The following IPO7 variants were observed in gnomAD, a reference collection of about 807,000 sequenced individuals.
IPO7 encodes the protein importin-7.
IPO7 carries 13 observed loss-of-function variants against 136.4 expected under a neutral mutation model. The observed-to-expected ratio is 0.10, with a 90% CI of 0.06 to 0.15. The LOEUF is 0.15. Among genes scored for constraint, IPO7 ranks in the 10% least tolerant of loss-of-function variants. The probability of loss-of-function intolerance (pLI) is 1.00; values close to 1 mark genes in which losing one functional copy is unlikely to be tolerated. For missense variants in IPO7, 857 were observed against 1,240.6 expected, an observed-to-expected ratio of 0.69 and a Z score of 4.65; for synonymous variants, 403 against 404.4, an observed-to-expected ratio of 1.00 and a Z score of 0.04.
chr11:9,408,720 T>G (rs905834455), intron 3 of IPO7, 81 bp downstream of exon 3: 12 of 1,040,596 alleles, frequency 1.2e-5, no homozygotes, highest in East Asian at 5.7e-5. Context: ...TTTTTTTTTT[T>G]TTTTTTTTTT....
rs1274174713 is a variant in IPO7 at position 9,408,540 on chromosome 11, C to T, written c.221C>T (p.Ala74Val). The change falls in exon 3 of 25, where the codon GCA becomes GTA. Residue 74 changes from alanine to valine, a missense_variant. Physicochemically the swap from Ala to Val is moderately conservative, Grantham distance 64. Coordinates refer to ENST00000379719, the MANE Select transcript of IPO7 (RefSeq NM_006391.3). ...CAGTATTGGCCTGATCGAGAAACAG[C>T]ACCAGGGGATATATCCCCTTATACT... ...ITQYWPDRET[A>V]PGDISPYTIP... The T allele has an allele frequency of 6.2e-7, 1 of 1,602,546 alleles. No individual in the cohort carries two copies.
chr11:9,423,195 A>G (rs967749894), intron 9 of IPO7, 55 bp downstream of exon 9: 14 of 1,216,592 alleles, frequency 1.2e-5, no homozygotes, highest in South Asian at 9.9e-5. Context: ...AATGACATCA[A>G]TTGCCATAAA....
Position 9,440,443 on chromosome 11 carries a change from A to C in IPO7, c.2696-12A>C. On this transcript the variant is annotated splice_polypyrimidine_tract_variant and intron_variant, in intron 22 of 24. Transcript: ENST00000379719. ...TCATTGTTATAAAAGTACTTATATT[A>C]TGACTTGGCAGAGGAACTGGGGAGT... 1 of 1,603,262 alleles carries C rather than the reference A, an allele frequency of 6.2e-7. No homozygotes were observed. The highest frequency in any genetic ancestry group is 8.5e-7 in the Non-Finnish European group (1 of 1,170,256).
intron 2 of IPO7, among the ~76,000 whole-genome samples, chr11:9,406,366 C>T (rs1854887329): frequency 6.6e-6 from 1 of 151,732 alleles, no homozygotes; most frequent in Non-Finnish European, 1.5e-5. Context: ...CACATTTTCC[C>T]GTTTTTAGAT....
rs200667064 is a variant in IPO7 at position 9,429,018 on chromosome 11, G to C, written c.1426-13G>C. The C allele has an allele frequency of 9.4e-4, 1,515 of 1,611,464 alleles. 2 individuals are homozygous for C. The highest frequency in any genetic ancestry group is 1.2e-3 in the Non-Finnish European group (1,404 of 1,177,862). Reference sequence around the variant, plus strand: ...TAAGGTATCTACAGTAACTCACTGTGTTTTTACAAAAGGCTTGCTGGGTAC... The same window carrying C: ...TAAGGTATCTACAGTAACTCACTGTCTTTTTACAAAAGGCTTGCTGGGTAC... On this transcript the variant is annotated splice_polypyrimidine_tract_variant and intron_variant, in intron 13 of 24. Transcript: ENST00000379719.
At chr11:9,403,741 T>C (rs953873321) in intron 2 of IPO7, among the ~76,000 whole-genome samples, 1 of 152,264 alleles carries the variant, frequency 6.6e-6, no homozygotes, top group African/African-American at 2.4e-5. Flanking sequence ...AGTATTATAC[T>C]ATTTTTAGTT....
chr11:9,401,227 C>T (rs1283545470), intron 1 of IPO7, among the ~76,000 whole-genome samples: 1 of 151,266 alleles, frequency 6.6e-6, no homozygotes, highest in Non-Finnish European at 1.5e-5. Flanking sequence ...AAATATTGTT[C>T]ATGTGAACAT....
intron 20 of IPO7, 37 bp downstream of exon 20, chr11:9,436,403 G>C: frequency 7.3e-7 from 1 of 1,372,684 alleles, no homozygotes; most frequent in Non-Finnish European, 1.0e-6. Flanking sequence ...GTTCAGAGGG[G>C]TAATCTTTTC....
intron 1 of IPO7, among the ~76,000 whole-genome samples, chr11:9,392,797 A>G (rs1424599949): frequency 6.6e-6 from 1 of 151,898 alleles, no homozygotes; most frequent in Non-Finnish European, 1.5e-5. Flanking sequence ...AAAAATACAA[A>G]AATTAGCCGG....
chr11:9,414,583 A>T, intron 5 of IPO7, 172 bp downstream of exon 5: 2 of 321,268 alleles, frequency 6.2e-6, no homozygotes, highest in Non-Finnish European at 5.7e-6. Flanking sequence ...AAACAAGCAT[A>T]CTTCCTCCCC....
At chr11:9,428,853 C>G (rs780763705) in intron 13 of IPO7, 178 bp from the exon 14 acceptor site, 3 of 792,934 alleles carry the variant, frequency 3.8e-6, no homozygotes, top group Non-Finnish European at 6.9e-6. Flanking sequence ...GCTATCCACA[C>G]AAACATCATG....
In IPO7 at chr11:9,414,270, G is replaced by T. The variant is rs765343318; in HGVS notation, c.495G>T (p.Glu165Asp). ...LVKNYEYKKPEERSPLVAAMQ... is the reference protein window; with the variant it reads ...LVKNYEYKKPDERSPLVAAMQ... Reference sequence around the variant, plus strand: ...CTACTCAAAGGTATAAAAAACCAGAGGAGCGGAGTCCATTGGTAGCAGCAA... The same window carrying T: ...CTACTCAAAGGTATAAAAAACCAGATGAGCGGAGTCCATTGGTAGCAGCAA... Residue 165 changes from glutamate to aspartate, a missense_variant, in exon 5 of 25, where the codon GAG (glutamate) becomes GAT (aspartate). By Grantham distance (45) the Glu-to-Asp change is conservative. Around this residue, in one of 11 missense-constraint regions of IPO7, gnomAD observed 287 missense variants for 307.5 expected, o/e 0.93. Coordinates refer to ENST00000379719, the MANE Select transcript of IPO7 (RefSeq NM_006391.3). 1 of 1,609,658 alleles carries T rather than the reference G, an allele frequency of 6.2e-7. No individual in the cohort carries two copies.
At chr11:9,411,094 G>A (rs546582725) in intron 4 of IPO7, among the ~76,000 whole-genome samples, 8 of 152,334 alleles carry the variant, frequency 5.3e-5, no homozygotes, top group Admixed American at 3.9e-4. Context: ...TGGTAAGTGA[G>A]TGACTAAAAT....
intron 13 of IPO7, 55 bp downstream of exon 13, chr11:9,428,684 G>A (rs1855247751): frequency 2.1e-6 from 2 of 954,682 alleles, no homozygotes; most frequent in Non-Finnish European, 3.4e-6. Flanking sequence ...GAATGACTCT[G>A]TGGACTTTTA....
chr11:9,420,715 T>C lies in IPO7; in HGVS notation c.906+17T>C. On this transcript the variant is annotated intron_variant, in intron 8 of 24. Transcript: ENST00000379719. The stretch of plus-strand genomic sequence containing the variant: ...GTCCAGCAAGTAAGTCTGTTTTTAG[T>C]TTTTCTCAGTGGAAACATGGCATCT... 6.6e-7 allele frequency: 1 copy of C among 1,524,320 alleles called. No individual in the cohort carries two copies. Among genetic ancestry groups the C allele is most frequent in the Non-Finnish European group, 9.1e-7 (1 of 1,100,008 alleles). 94.4% of individuals were successfully genotyped at this position (1,524,320 alleles called of 1,614,324 possible). A position where few individuals can be genotyped will look rare whatever the true frequency, so the allele number is the denominator to read the frequency against.
At chr11:9,397,833 T>C (rs1323844988) in intron 1 of IPO7, among the ~76,000 whole-genome samples, 1 of 152,092 alleles carries the variant, frequency 6.6e-6, no homozygotes, top group Non-Finnish European at 1.5e-5. Context: ...TGCTAAGATA[T>C]TTTCTGTGTT....
intron 1 of IPO7, among the ~76,000 whole-genome samples, chr11:9,399,823 A>G (rs977192690): frequency 6.6e-6 from 1 of 152,174 alleles, no homozygotes; most frequent in Admixed American, 6.6e-5. Flanking sequence ...ATGGTTGGCA[A>G]TGTTCACATC....
intron 16 of IPO7, among the ~76,000 whole-genome samples, chr11:9,432,193 T>A (rs894124391): frequency 6.6e-6 from 1 of 151,542 alleles, no homozygotes; most frequent in Non-Finnish European, 1.5e-5. Flanking sequence ...ATGAGGTTTT[T>A]CACTAAACTT....
chr11:9,410,951 G>C (rs1348970094), intron 4 of IPO7, among the ~76,000 whole-genome samples: 1 of 152,158 alleles, frequency 6.6e-6, no homozygotes, highest in Non-Finnish European at 1.5e-5. Context: ...ATCTCAAAGT[G>C]GCTGATGAAC....
Sources: allele counts gnomAD v4.1 joint callset (sites outside exome capture counted in the v4.1 genomes callset), GRCh38; gene constraint gnomAD v4.1.1; regional missense constraint gnomAD v4.1.1; transcripts MANE v1.5; gene names NCBI Gene and HGNC (gene_info 2026-07-23, HGNC 2026-07-21).